ARMC2: variants seen among roughly 807,000 people sequenced by gnomAD.
ARMC2 encodes armadillo repeat-containing protein 2.
A neutral mutation model predicts 90.3 loss-of-function variants in ARMC2; 67 were observed. The ratio of observed to expected loss-of-function variants is 0.74; its 90% CI spans 0.61 to 0.91. The LOEUF (loss-of-function observed/expected upper bound fraction) is 0.91, where lower values mean the gene tolerates loss of function less well. Among genes scored for constraint, ARMC2 ranks in the 40% least tolerant of loss-of-function variants. ARMC2 has a pLI of 0.00. For synonymous variants in ARMC2, 393 were observed against 393.0 expected, an observed-to-expected ratio of 1.00 and a Z score of 0.00; for missense variants, 920 against 1,030.9, an observed-to-expected ratio of 0.89 and a Z score of 1.47.
chr6:108,902,624 T>C (rs1772263236), intron 7 of ARMC2, among the ~76,000 whole-genome samples: 1 of 152,208 alleles, frequency 6.6e-6, no homozygotes, highest in African/African-American at 2.4e-5. Context: ...TACTTAGCTA[T>C]TGAGGTTTAA....
At chr6:108,893,558 T>C (rs1771305402) in intron 5 of ARMC2, among the ~76,000 whole-genome samples, 1 of 152,248 alleles carries the variant, frequency 6.6e-6, no homozygotes, top group African/African-American at 2.4e-5. Context: ...TTCTTTCTTA[T>C]TGTAACAGTG....
At chr6:109,008,415 T>C in the ARMC2 span, among the ~76,000 whole-genome samples, 1 of 152,120 alleles carries the variant, frequency 6.6e-6, no homozygotes, top group South Asian at 2.1e-4. Flanking sequence ...ACAAGGAACA[T>C]CTAATATGTC....
chr6:108,888,134 G>A (rs553842059), intron 5 of ARMC2, among the ~76,000 whole-genome samples: 30 of 152,300 alleles, frequency 2.0e-4, no homozygotes, highest in African/African-American at 6.5e-4. Context: ...CCAGACAAGC[G>A]AACACTCACT....
intron 12 of ARMC2, among the ~76,000 whole-genome samples, chr6:108,941,554 TG>T (rs1776442438): frequency 6.6e-6 from 1 of 152,224 alleles, no homozygotes; most frequent in Admixed American, 6.5e-5. Context: ...GTTTACTATT[TG>T]GTTAGATACC....
chr6:109,037,189 T>C, the ARMC2 span, among the ~76,000 whole-genome samples: 2 of 152,240 alleles, frequency 1.3e-5, no homozygotes, highest in South Asian at 4.1e-4. Flanking sequence ...TTTAAGACTC[T>C]GTGATGCAAC....
At chr6:108,876,086 G>A (rs1776902433) in intron 4 of ARMC2, 57 bp from the exon 5 acceptor site, 4 of 1,284,306 alleles carry the variant, frequency 3.1e-6, no homozygotes, top group African/African-American at 1.5e-5. Context: ...ACATTGAAAG[G>A]TAGTGATTCC....
rs1582929040 is a variant in ARMC2 at position 108,858,068 on chromosome 6, A to G, written c.219-131A>G. 8.7e-6 allele frequency: 5 copies of G among 573,668 alleles called. No individual in the cohort carries two copies. The South Asian group carries it at 1.3e-4, about 15-fold the overall frequency. 35.5% of individuals were successfully genotyped at this position (573,668 alleles called of 1,614,324 possible). The stretch of plus-strand genomic sequence containing the variant: ...AACTGTTTTAAGTACAATAACATGA[A>G]AAAATGTTTTTCCTCATGGTTTATG... On this transcript the variant is annotated intron_variant, in intron 2 of 17. Transcript: ENST00000392644.
chr6:108,918,406 C>G (rs1475853641), intron 10 of ARMC2, among the ~76,000 whole-genome samples: 1 of 152,120 alleles, frequency 6.6e-6, no homozygotes, highest in Non-Finnish European at 1.5e-5. Flanking sequence ...CAACAGTGTG[C>G]TCTCTTGCTC....
At chr6:108,949,985 C>A (rs1008764461) in intron 12 of ARMC2, among the ~76,000 whole-genome samples, 15 of 152,098 alleles carry the variant, frequency 9.9e-5, no homozygotes, top group African/African-American at 2.9e-4. Context: ...GTGGGTGGAT[C>A]ACTTGAGGTC....
the ARMC2 span, among the ~76,000 whole-genome samples, chr6:108,980,574 G>A: frequency 5.9e-5 from 9 of 152,136 alleles, no homozygotes; most frequent in African/African-American, 2.2e-4. Context: ...AGGCAGGGAC[G>A]TTTAAGTTTG....
intron 10 of ARMC2, among the ~76,000 whole-genome samples, chr6:108,919,713 C>A (rs925578119): frequency 2.6e-5 from 4 of 152,066 alleles, no homozygotes; most frequent in African/African-American, 9.7e-5. Flanking sequence ...TAGCCCCTAC[C>A]CTTATCAAGA....
At chr6:108,938,534 TA>T (rs1776152060) in intron 12 of ARMC2, among the ~76,000 whole-genome samples, 1 of 150,504 alleles carries the variant, frequency 6.6e-6, no homozygotes, top group Non-Finnish European at 1.5e-5. Flanking sequence ...GAGATCTATT[TA>T]TATATTTTAT....
At chr6:108,883,333 A>G (rs901202841) in intron 5 of ARMC2, among the ~76,000 whole-genome samples, 1 of 152,248 alleles carries the variant, frequency 6.6e-6, no homozygotes, top group African/African-American at 2.4e-5. Context: ...AAACCTGTAG[A>G]CAACAAAATG....
At chr6:108,900,217 T>G (rs1183506789) in intron 7 of ARMC2, among the ~76,000 whole-genome samples, 4 of 152,242 alleles carry the variant, frequency 2.6e-5, no homozygotes, top group African/African-American at 9.6e-5. Context: ...TTGGTCCAAC[T>G]GGTATCTGTC....
chr6:109,015,904 A>C, the ARMC2 span, among the ~76,000 whole-genome samples: 4 of 152,240 alleles, frequency 2.6e-5, no homozygotes, highest in African/African-American at 7.2e-5. Context: ...TGAACACATG[A>C]AATTCTCATA....
the ARMC2 span, among the ~76,000 whole-genome samples, chr6:108,990,235 T>TC: frequency 6.6e-6 from 1 of 152,200 alleles, no homozygotes; most frequent in African/African-American, 2.4e-5. Flanking sequence ...CAAGTACTCC[T>TC]CAGAAGGAGC....
chr6:108,854,566 C>G, intron 2 of ARMC2, 81 bp downstream of exon 2: 1 of 1,373,702 alleles, frequency 7.3e-7, no homozygotes, highest in Non-Finnish European at 1.0e-6. Context: ...TTAAGGTTAG[C>G]TTTTAAAAAT....
chr6:109,008,877 G>A, the ARMC2 span: 2 of 985,680 alleles, frequency 2.0e-6, no homozygotes, highest in Non-Finnish European at 2.4e-6. Flanking sequence ...AGTCAAATGT[G>A]TTTTTTTTCT....
the ARMC2 span, among the ~76,000 whole-genome samples, chr6:109,043,730 C>G: frequency 6.6e-6 from 1 of 152,132 alleles, no homozygotes; most frequent in Non-Finnish European, 1.5e-5. Context: ...ATATTCAATG[C>G]TCATAGATTG....
Sources: gnomAD v4.1 joint callset for allele counts (sites outside exome capture counted in the v4.1 genomes callset) on GRCh38, gnomAD v4.1.1 for gene constraint, MANE v1.5 for transcripts, NCBI Gene and HGNC (gene_info 2026-07-23, HGNC 2026-07-21) for gene names.